The following ZNF157 variants were observed in gnomAD, a reference collection of about 807,000 sequenced individuals.
ZNF157 encodes the protein zinc finger protein 157, also known as zinc finger protein 22.
In ZNF157, 8 loss-of-function variants were observed where a neutral mutation model predicts 9.4. The observed-to-expected ratio is 0.85, with a 90% CI of 0.50 to 1.53. The LOEUF (loss-of-function observed/expected upper bound fraction) is 1.53. Ranked by LOEUF, ZNF157 falls within the 40% of genes most tolerant of loss-of-function variation. The pLI, the probability that ZNF157 is intolerant of heterozygous loss-of-function variation, is 0.00. For missense variants in ZNF157, 316 were observed against 385.2 expected, an observed-to-expected ratio of 0.82 and a Z score of 1.50; for synonymous variants, 120 against 130.8, an observed-to-expected ratio of 0.92 and a Z score of 0.56.
At chrX:47,378,282 G>T (rs1161230341) in intron 1 of ZNF157, among the ~76,000 whole-genome samples, 3 of 111,122 alleles carry the variant, frequency 2.7e-5, no homozygotes, top group Non-Finnish European at 5.7e-5. Flanking sequence ...TACGGATCTG[G>T]GTGGTCCCAA....
At chrX:47,389,468 A>G (rs1017491653) in intron 1 of ZNF157, among the ~76,000 whole-genome samples, 5 of 110,030 alleles carry the variant, frequency 4.5e-5, no homozygotes, top group Non-Finnish European at 7.6e-5. Flanking sequence ...TTCCCACCTC[A>G]GCCTCTCGAC....
intron 1 of ZNF157, among the ~76,000 whole-genome samples, chrX:47,379,811 T>C (rs1055089947): frequency 3.7e-5 from 4 of 108,374 alleles, no homozygotes; most frequent in Non-Finnish European, 5.7e-5. Flanking sequence ...GAATTTCTTT[T>C]GCTCCTTTGT....
In ZNF157 at chrX:47,412,493, G is replaced by A; in HGVS notation, c.420G>A (p.Arg140=). ...AAAATGTTGAATATAATGGATGCAG[G>A]AAAGCCTTCCATGAGAAAACAGGCT... ...LDQNVEYNGC[R]KAFHEKTGFV... is the part of the protein sequence containing the mutation. Residue 140 remains arginine (R), a synonymous_variant, in exon 4 of 4, where the codon AGG becomes AGA. Transcript: ENST00000377073. The A allele has an allele frequency of 8.3e-7, 1 of 1,211,622 alleles. No homozygotes were observed. The highest frequency in any genetic ancestry group is 1.1e-6 in the Non-Finnish European group (1 of 895,229).
intron 1 of ZNF157, among the ~76,000 whole-genome samples, chrX:47,384,682 C>T (rs1341847508): frequency 8.9e-6 from 1 of 112,605 alleles, no homozygotes; most frequent in Non-Finnish European, 1.9e-5. Flanking sequence ...CAGAGACCGG[C>T]GCTTATGGCA....
intron 1 of ZNF157, among the ~76,000 whole-genome samples, chrX:47,394,837 C>T (rs1355267463): frequency 9.1e-6 from 1 of 110,212 alleles, no homozygotes; most frequent in East Asian, 2.8e-4. Context: ...TTTTTTTTGG[C>T]AAGATCTCAT....
At chrX:47,410,461 A>C in intron 2 of ZNF157, 59 bp downstream of exon 2, 1 of 1,178,839 alleles carries the variant, frequency 8.5e-7, no homozygotes, top group Middle Eastern at 2.5e-4. Flanking sequence ...TGGTTGCTGT[A>C]ACATGTGCAG....
At chrX:47,380,457 T>G (rs1481629319) in intron 1 of ZNF157, among the ~76,000 whole-genome samples, 1 of 111,684 alleles carries the variant, frequency 9.0e-6, no homozygotes, top group Non-Finnish European at 1.9e-5. Context: ...TGCTGTGGCT[T>G]GTCAGCGCTT....
intron 1 of ZNF157, among the ~76,000 whole-genome samples, chrX:47,405,822 A>G (rs2055945335): frequency 9.0e-6 from 1 of 111,173 alleles, no homozygotes; most frequent in African/African-American, 3.3e-5. Flanking sequence ...CATAGCTTTT[A>G]CATATTTTTA....
chrX:47,413,877 G>C lies in ZNF157; in HGVS notation c.*283G>C. ...TCTCTTGCTTTTTGGTTTAAATGTT[G>C]TTTTTTAACATATGAGAATATAAAA... On this transcript the variant is annotated 3_prime_UTR_variant, in exon 4 of 4. Transcript: ENST00000377073. 4.6e-6 allele frequency: 1 copy of C among 216,879 alleles called. No individual in the cohort carries two copies. The allele number at this position is 216,879 out of a possible 1,213,427, so 17.9% of individuals were successfully genotyped here. A position where few individuals can be genotyped will look rare whatever the true frequency, so the allele number is the denominator to read the frequency against.
chrX:47,382,277 C>G (rs1245400028), intron 1 of ZNF157, among the ~76,000 whole-genome samples: 1 of 88,933 alleles, frequency 1.1e-5, no homozygotes, highest in East Asian at 3.4e-4. Context: ...TGAAATTCAA[C>G]AGAACTTTTT....
chrX:47,413,706 C>G lies in ZNF157; in HGVS notation c.*112C>G. ...TTTGTATCAAAGTATGTCCTGATCC[C>G]CTTAGGGGATAGCTCATTGTTTTTA... On this transcript the variant is annotated 3_prime_UTR_variant, in exon 4 of 4. Coordinates refer to ENST00000377073, the MANE Select transcript of ZNF157 (RefSeq NM_003446.4). The G allele has an allele frequency of 9.4e-7, 1 of 1,064,734 alleles. No homozygotes were observed. The highest frequency in any genetic ancestry group is 2.7e-5 in the South Asian group (1 of 36,834). 87.7% of individuals were successfully genotyped at this position (1,064,734 alleles called of 1,213,427 possible).
intron 1 of ZNF157, among the ~76,000 whole-genome samples, chrX:47,408,548 G>T (rs996021759): frequency 4.5e-5 from 5 of 111,128 alleles, no homozygotes; most frequent in Admixed American, 9.7e-5. Context: ...TCAAGTAGCT[G>T]GGATTATAGA....
At chrX:47,394,074 G>A (rs752049868) in intron 1 of ZNF157, among the ~76,000 whole-genome samples, 3 of 107,789 alleles carry the variant, frequency 2.8e-5, no homozygotes, top group East Asian at 5.8e-4. Flanking sequence ...ACCATTCTCC[G>A]CCTCAGCCTC....
intron 1 of ZNF157, among the ~76,000 whole-genome samples, chrX:47,379,913 C>T (rs760200139): frequency 9.1e-6 from 1 of 110,124 alleles, no homozygotes; most frequent in Non-Finnish European, 1.9e-5. Context: ...TCACCAATAC[C>T]TCTGTCTTGA....
chrX:47,383,875 G>A (rs1039013737), intron 1 of ZNF157, among the ~76,000 whole-genome samples: 1 of 109,770 alleles, frequency 9.1e-6, no homozygotes, highest in African/African-American at 3.3e-5. Flanking sequence ...AAATCCATTA[G>A]TGAAGCTGTA....
chrX:47,397,329 G>A (rs761638423), intron 1 of ZNF157, among the ~76,000 whole-genome samples: 10 of 96,934 alleles, frequency 1.0e-4, no homozygotes, highest in East Asian at 7.2e-4. Context: ...CACAACCTCC[G>A]CCTCCCAGGT....
At chrX:47,408,872 C>T (rs2055955051) in intron 1 of ZNF157, among the ~76,000 whole-genome samples, 1 of 111,660 alleles carries the variant, frequency 9.0e-6, no homozygotes, top group Admixed American at 9.6e-5. Flanking sequence ...ATCCAATCCC[C>T]TCCCACCAGG....
intron 1 of ZNF157, among the ~76,000 whole-genome samples, chrX:47,376,397 C>T (rs1339612768): frequency 8.9e-6 from 1 of 111,774 alleles, no homozygotes. Flanking sequence ...GGTGGATCAC[C>T]TGAAGTCAGG....
chrX:47,371,387 C>T (rs1328981966), intron 1 of ZNF157, among the ~76,000 whole-genome samples: 1 of 109,033 alleles, frequency 9.2e-6, no homozygotes, highest in Non-Finnish European at 1.9e-5. Flanking sequence ...TGCCTGTAAT[C>T]CCAGCTCTTA....
Sources: allele counts gnomAD v4.1 joint callset (sites outside exome capture counted in the v4.1 genomes callset), GRCh38; gene constraint gnomAD v4.1.1; transcripts MANE v1.5; gene names NCBI Gene and HGNC (gene_info 2026-07-23, HGNC 2026-07-21).